FSTL5: variants seen among roughly 807,000 people sequenced by gnomAD.
FSTL5 encodes the protein follistatin like 5.
FSTL5 carries 62 observed loss-of-function variants against 89.1 expected under a neutral mutation model. The ratio of observed to expected loss-of-function variants is 0.70; its 90% CI spans 0.57 to 0.86. The LOEUF (loss-of-function observed/expected upper bound fraction) is 0.86. Among genes scored for constraint, FSTL5 ranks in the 40% least tolerant of loss-of-function variants. The pLI is 0.00. For missense variants in FSTL5, 1,057 were observed against 1,001.6 expected (o/e 1.06, Z -0.75); for synonymous variants, 383 against 346.2 (o/e 1.11, Z -1.18).
intron 8 of FSTL5, among the ~76,000 whole-genome samples, chr4:161,579,208 A>T (rs1347333008): frequency 2.6e-5 from 4 of 152,236 alleles, no homozygotes; most frequent in Admixed American, 6.5e-5. Context: ...AGATCAAGGC[A>T]TGCTGTTTTA....
At chr4:161,684,366 T>G (rs563881698) in intron 6 of FSTL5, among the ~76,000 whole-genome samples, 1 of 152,302 alleles carries the variant, frequency 6.6e-6, no homozygotes, top group African/African-American at 2.4e-5. Context: ...CTTTCCATAG[T>G]GGTTGTACTA....
intron 3 of FSTL5, among the ~76,000 whole-genome samples, chr4:161,966,164 T>C (rs1288885443): frequency 6.6e-6 from 1 of 152,064 alleles, no homozygotes; most frequent in Non-Finnish European, 1.5e-5. Context: ...TAATTCATTG[T>C]TAGTTTCTTA....
intron 11 of FSTL5, among the ~76,000 whole-genome samples, chr4:161,504,192 T>A (rs1730396165): frequency 6.6e-6 from 1 of 151,988 alleles, no homozygotes; most frequent in Non-Finnish European, 1.5e-5. Flanking sequence ...AACAAGTTAA[T>A]GAATGCATAT....
chr4:161,545,741 A>G (rs1479070644), intron 8 of FSTL5, among the ~76,000 whole-genome samples: 1 of 151,952 alleles, frequency 6.6e-6, no homozygotes, highest in Non-Finnish European at 1.5e-5. Flanking sequence ...TTCATTGCAG[A>G]ATCTCTGGTA....
rs72693266 is a variant in FSTL5 at position 162,134,943 on chromosome 4, A to G, written c.-16-23531T>C. Among the ~76,000 whole-genome samples, 831 of 152,344 alleles carry G rather than the reference A, an allele frequency of 5.5e-3. 5 individuals are homozygous for G. Among genetic ancestry groups the G allele is most frequent in the Non-Finnish European group, 9.0e-3 (615 of 68,016 alleles). Reference sequence around the variant, plus strand: ...CATGAACATAATCATGTCAGCTGCTAAACTGGTGGGAATTGAAGCTATTCT... The same window carrying G: ...CATGAACATAATCATGTCAGCTGCTGAACTGGTGGGAATTGAAGCTATTCT... On this transcript the variant is annotated intron_variant, in intron 1 of 15. Coordinates refer to ENST00000306100, the MANE Select transcript of FSTL5 (RefSeq NM_020116.5).
chr4:161,475,375 C>G (rs113395731), intron 13 of FSTL5, among the ~76,000 whole-genome samples: 1 of 152,072 alleles, frequency 6.6e-6, no homozygotes, highest in Non-Finnish European at 1.5e-5. Context: ...CTGGGACTGC[C>G]GCAGTGCATA....
At chr4:161,783,837 C>G (rs972376531) in intron 4 of FSTL5, among the ~76,000 whole-genome samples, 2 of 148,560 alleles carry the variant, frequency 1.3e-5, no homozygotes, top group Admixed American at 1.4e-4. Context: ...ATGATCTTGG[C>G]TCACTGCAAC....
intron 1 of FSTL5, among the ~76,000 whole-genome samples, chr4:162,153,255 A>G (rs370574270): frequency 8.5e-5 from 13 of 152,184 alleles, no homozygotes; most frequent in African/African-American, 2.9e-4. Flanking sequence ...CCCTTTTTAG[A>G]ATGATAAGGA....
At chr4:161,916,323 T>C (rs918512848) in intron 4 of FSTL5, among the ~76,000 whole-genome samples, 6 of 152,176 alleles carry the variant, frequency 3.9e-5, no homozygotes, top group Non-Finnish European at 8.8e-5. Flanking sequence ...CTTAAGTTTC[T>C]TACTCCAGTT....
chr4:161,459,081 C>T, intron 14 of FSTL5, 131 bp downstream of exon 14: 2 of 602,306 alleles, frequency 3.3e-6, no homozygotes, highest in Non-Finnish European at 5.7e-6. Flanking sequence ...TTTTTCTGTG[C>T]CTATCTAGTT....
rs751181020 is a variant in FSTL5 at position 161,783,677 on chromosome 4, CTCTTTCTTTCTT to C, written c.410-7615_410-7604del. ...TTTCTTTCTTTCTCTTTCTTTCTTT[CTCTTTCTTTCTT>C]TCTTTCTTTCTTTCTTTCTTTCTTT... On this transcript the variant is annotated intron_variant, in intron 4 of 15. Transcript: ENST00000306100. Among the ~76,000 whole-genome samples, 8 of 8,164 alleles carry C rather than the reference CTCTTTCTTTCTT, an allele frequency of 9.8e-4. 1 individual carries two copies. Among genetic ancestry groups the C allele is most frequent in the African/African-American group, 2.5e-3 (8 of 3,156 alleles). 5.4% of individuals were successfully genotyped at this position (8,164 alleles called of 152,430 possible).
At chr4:162,126,502 T>A (rs1732086673) in intron 1 of FSTL5, among the ~76,000 whole-genome samples, 1 of 152,106 alleles carries the variant, frequency 6.6e-6, no homozygotes, top group African/African-American at 2.4e-5. Context: ...TTACTTTTTC[T>A]CTTCGGAGTC....
intron 15 of FSTL5, among the ~76,000 whole-genome samples, chr4:161,410,618 G>T (rs1004447796): frequency 6.6e-6 from 1 of 152,048 alleles, no homozygotes; most frequent in Non-Finnish European, 1.5e-5. Flanking sequence ...ACTTTCTCCT[G>T]AAGAATTTCT....
At chr4:161,999,534 T>C (rs922259546) in intron 3 of FSTL5, among the ~76,000 whole-genome samples, 1 of 152,160 alleles carries the variant, frequency 6.6e-6, no homozygotes, top group African/African-American at 2.4e-5. Context: ...TGACTATGTA[T>C]AATAAACACT....
chr4:161,813,738 A>G (rs1014678227), intron 4 of FSTL5, among the ~76,000 whole-genome samples: 7 of 151,574 alleles, frequency 4.6e-5, no homozygotes, highest in Non-Finnish European at 8.8e-5. Flanking sequence ...TACAGAGAAG[A>G]TAGCATATTC....
chr4:162,020,554 C>T (rs115682640), intron 3 of FSTL5, among the ~76,000 whole-genome samples: 1 of 151,988 alleles, frequency 6.6e-6, no homozygotes, highest in African/African-American at 2.4e-5. Flanking sequence ...TATTGTTTGA[C>T]TCTCAATTAG....
Position 161,818,156 on chromosome 4 carries a change from C to T in FSTL5, c.410-42082G>A, listed in dbSNP as rs1040668005. ...CAGCTGGACATCAAGAAGAATGCAA[C>T]GACAGGCACCAGCACACCCGCAGGC... On this transcript the variant is annotated intron_variant, in intron 4 of 15. Coordinates refer to ENST00000306100, the MANE Select transcript of FSTL5 (RefSeq NM_020116.5). Among the ~76,000 whole-genome samples the T allele has an allele frequency of 1.4e-4, 21 of 152,230 alleles. No homozygotes were observed. In the East Asian group the frequency reaches 1.5e-3, roughly 11 times the overall value.
At chr4:161,429,874 T>C (rs192025796) in intron 15 of FSTL5, among the ~76,000 whole-genome samples, 45 of 152,192 alleles carry the variant, frequency 3.0e-4, no homozygotes, top group African/African-American at 1.1e-3. Flanking sequence ...GAAAAAAATG[T>C]TTTAATCCAA....
At chr4:162,011,712 G>T (rs1736773306) in intron 3 of FSTL5, among the ~76,000 whole-genome samples, 1 of 152,072 alleles carries the variant, frequency 6.6e-6, no homozygotes. Context: ...GGCCAGGCTG[G>T]TCTTGAACTC....
Sources: gnomAD v4.1 joint callset for allele counts (sites outside exome capture counted in the v4.1 genomes callset) on GRCh38, gnomAD v4.1.1 for gene constraint, MANE v1.5 for transcripts, NCBI Gene and HGNC (gene_info 2026-07-23, HGNC 2026-07-21) for gene names.